Variants in CNTN5 observed in about 807,000 individuals in gnomAD.
CNTN5 encodes contactin 5.
In CNTN5, 77 loss-of-function variants were observed where a neutral mutation model predicts 129.1. That is an observed-to-expected ratio of 0.60 (90% CI 0.50 to 0.72). The LOEUF is 0.72. CNTN5 is among the 30% of genes least tolerant of loss of function. The pLI is 0.00. For missense variants in CNTN5, 1,478 were observed against 1,328.8 expected, an observed-to-expected ratio of 1.11 and a Z score of -1.75; for synonymous variants, 509 against 465.6, an observed-to-expected ratio of 1.09 and a Z score of -1.20.
intron 3 of CNTN5, among the ~76,000 whole-genome samples, chr11:99,590,114 T>C (rs1949931242): frequency 6.6e-6 from 1 of 152,040 alleles, no homozygotes; most frequent in Non-Finnish European, 1.5e-5. Context: ...AACAGGCCTC[T>C]ATGTAAGCGG....
chr11:99,747,718 C>T (rs913916931), intron 3 of CNTN5, among the ~76,000 whole-genome samples: 9 of 152,120 alleles, frequency 5.9e-5, no homozygotes, highest in African/African-American at 1.4e-4. Flanking sequence ...GTGATCCACC[C>T]GCCTCGGCCT....
At chr11:100,076,495 A>G (rs917345719) in intron 13 of CNTN5, among the ~76,000 whole-genome samples, 1 of 152,058 alleles carries the variant, frequency 6.6e-6, no homozygotes, top group Admixed American at 6.6e-5. Flanking sequence ...TATTTTTCAG[A>G]TGTTGAAAAA....
At chr11:99,085,707 TA>T (rs1284860934) in intron 1 of CNTN5, among the ~76,000 whole-genome samples, 2 of 152,178 alleles carry the variant, frequency 1.3e-5, no homozygotes, top group Non-Finnish European at 2.9e-5. Context: ...GTTTAATATT[TA>T]TTTTTAAATA....
intron 9 of CNTN5, among the ~76,000 whole-genome samples, chr11:100,020,111 G>A (rs1941048357): frequency 1.3e-5 from 2 of 151,680 alleles, no homozygotes; most frequent in African/African-American, 4.8e-5. Context: ...TTGATTGTTT[G>A]TTTTATCAGG....
chr11:99,743,012 G>A (rs937954630), intron 3 of CNTN5, among the ~76,000 whole-genome samples: 5 of 152,164 alleles, frequency 3.3e-5, no homozygotes, highest in Admixed American at 1.3e-4. Flanking sequence ...CATGCAACAT[G>A]CTTTGAATAG....
chr11:100,330,224 A>G (rs2138985457), intron 21 of CNTN5, among the ~76,000 whole-genome samples: 1 of 152,368 alleles, frequency 6.6e-6, no homozygotes, highest in Non-Finnish European at 1.5e-5. Context: ...AGCAGAGGAA[A>G]GAACTCTGGA....
At chr11:99,708,184 A>G (rs756646371) in intron 3 of CNTN5, among the ~76,000 whole-genome samples, 16 of 151,672 alleles carry the variant, frequency 1.1e-4, no homozygotes, top group South Asian at 6.2e-4. Flanking sequence ...TTTTCCTCCT[A>G]TGGGAAATAC....
intron 18 of CNTN5, among the ~76,000 whole-genome samples, chr11:100,290,334 T>A (rs1950930798): frequency 6.6e-6 from 1 of 152,038 alleles, no homozygotes; most frequent in Admixed American, 6.6e-5. Flanking sequence ...GCTAGAGGCA[T>A]CACACTACCT....
At chr11:100,317,193 C>T (rs1202076055) in intron 21 of CNTN5, among the ~76,000 whole-genome samples, 3 of 152,134 alleles carry the variant, frequency 2.0e-5, no homozygotes, top group Non-Finnish European at 2.9e-5. Context: ...TATGATCTGA[C>T]TCTAATCATT....
At chr11:99,801,080 A>T (rs1487480990) in intron 3 of CNTN5, among the ~76,000 whole-genome samples, 4 of 151,948 alleles carry the variant, frequency 2.6e-5, no homozygotes, top group Non-Finnish European at 5.9e-5. Flanking sequence ...TGTTTTTCTC[A>T]TTTCCGTGTT....
At chr11:100,000,080 C>T (rs1939760628) in intron 8 of CNTN5, among the ~76,000 whole-genome samples, 1 of 151,690 alleles carries the variant, frequency 6.6e-6, no homozygotes, top group Admixed American at 6.6e-5. Context: ...ATGGGTGCAG[C>T]ACACCAGCAT....
At chr11:99,574,983 A>G (rs1949297732) in intron 3 of CNTN5, among the ~76,000 whole-genome samples, 1 of 152,190 alleles carries the variant, frequency 6.6e-6, no homozygotes, top group Non-Finnish European at 1.5e-5. Context: ...GGAGGGCTAT[A>G]TACTAGTTTC....
At chr11:99,771,481 A>C (rs1330048942) in intron 3 of CNTN5, among the ~76,000 whole-genome samples, 2 of 152,174 alleles carry the variant, frequency 1.3e-5, no homozygotes, top group East Asian at 1.9e-4. Flanking sequence ...ACAAGCAAGA[A>C]ATTCTGGCAT....
At chr11:99,896,312 C>T (rs192646874) in intron 6 of CNTN5, among the ~76,000 whole-genome samples, 13 of 152,274 alleles carry the variant, frequency 8.5e-5, no homozygotes, top group African/African-American at 3.1e-4. Flanking sequence ...GCGGTCATGG[C>T]TCTGTGTTCT....
intron 2 of CNTN5, among the ~76,000 whole-genome samples, chr11:99,461,073 A>G (rs945082619): frequency 6.6e-6 from 1 of 152,144 alleles, no homozygotes; most frequent in African/African-American, 2.4e-5. Context: ...CTCAAAACAT[A>G]TATGAATCTT....
intron 18 of CNTN5, among the ~76,000 whole-genome samples, chr11:100,273,379 C>A (rs1950443260): frequency 6.6e-6 from 1 of 152,122 alleles, no homozygotes; most frequent in African/African-American, 2.4e-5. Context: ...GCTTTCCTTG[C>A]CCTGACAGCG....
At chr11:99,601,300 C>T (rs976533003) in intron 3 of CNTN5, among the ~76,000 whole-genome samples, 8 of 152,114 alleles carry the variant, frequency 5.3e-5, no homozygotes, top group African/African-American at 1.9e-4. Context: ...TTCTGTCTTC[C>T]CTTCTAAGTC....
At chr11:99,275,033 C>T (rs1055267929) in intron 1 of CNTN5, among the ~76,000 whole-genome samples, 1 of 151,328 alleles carries the variant, frequency 6.6e-6, no homozygotes, top group Non-Finnish European at 1.5e-5. Context: ...GTATTTAAGA[C>T]ATAACTTGGA....
intron 18 of CNTN5, among the ~76,000 whole-genome samples, chr11:100,282,336 T>C (rs1242269305): frequency 6.6e-6 from 1 of 152,238 alleles, no homozygotes; most frequent in South Asian, 2.1e-4. Flanking sequence ...TCTTGGAGAC[T>C]AGTAGAGGTA....
Sources: gnomAD v4.1 joint callset for allele counts (sites outside exome capture counted in the v4.1 genomes callset) on GRCh38, gnomAD v4.1.1 for gene constraint, MANE v1.5 for transcripts, NCBI Gene and HGNC (gene_info 2026-07-23, HGNC 2026-07-21) for gene names.